Variants in KMO observed in about 807,000 individuals in gnomAD.
KMO encodes the protein kynurenine 3-monooxygenase.
Under a neutral mutation model 57.8 loss-of-function variants are expected in KMO, and 24 were observed. The ratio of observed to expected loss-of-function variants is 0.42; its 90% CI spans 0.30 to 0.58. KMO has a LOEUF of 0.58. Among genes scored for constraint, KMO ranks in the 20% least tolerant of loss-of-function variants. The pLI is 0.22. For missense variants in KMO, 483 were observed against 588.2 expected (o/e 0.82, Z 1.85); for synonymous variants, 210 against 193.6 (o/e 1.08, Z -0.70).
At chr1:241,567,871 G>C (rs1021869601) in intron 9 of KMO, among the ~76,000 whole-genome samples, 1 of 152,136 alleles carries the variant, frequency 6.6e-6, no homozygotes, top group African/African-American at 2.4e-5. Flanking sequence ...GATTCTTGAG[G>C]CTAGGTACCA....
At chr1:241,590,399 C>A in intron 14 of KMO, 136 bp downstream of exon 14, 2 of 717,524 alleles carry the variant, frequency 2.8e-6, no homozygotes, top group Non-Finnish European at 2.4e-6. Context: ...CAGAAACTGT[C>A]CTGAGTACAG....
chr1:241,551,346 G>A (rs901409321), intron 4 of KMO, among the ~76,000 whole-genome samples: 2 of 152,142 alleles, frequency 1.3e-5, no homozygotes, highest in Non-Finnish European at 2.9e-5. Context: ...TTTTCAATTA[G>A]GTAGAGAAGA....
At chr1:241,591,412 T>G (rs1663293739) in intron 14 of KMO, among the ~76,000 whole-genome samples, 1 of 146,878 alleles carries the variant, frequency 6.8e-6, no homozygotes. Flanking sequence ...AGTATTCAAG[T>G]AGATTTCTCT....
intron 1 of KMO, among the ~76,000 whole-genome samples, chr1:241,546,665 T>C (rs990165126): frequency 6.6e-6 from 1 of 152,146 alleles, no homozygotes; most frequent in Admixed American, 6.5e-5. Flanking sequence ...ACTGGATGGA[T>C]GGCATATCAT....
intron 1 of KMO, among the ~76,000 whole-genome samples, chr1:241,538,115 T>C (rs1178617184): frequency 2.6e-5 from 4 of 152,158 alleles, no homozygotes; most frequent in Non-Finnish European, 5.9e-5. Context: ...ATAGGTGGTC[T>C]GAGCATGCAT....
At chr1:241,577,452 T>A (rs1662564998) in intron 10 of KMO, among the ~76,000 whole-genome samples, 1 of 152,058 alleles carries the variant, frequency 6.6e-6, no homozygotes, top group Non-Finnish European at 1.5e-5. Flanking sequence ...ATTTTAATGT[T>A]TATAGTTTAT....
rs1350664434 is a variant in KMO at position 241,586,814 on chromosome 1, A to T, written c.1015+78A>T. The T allele has an allele frequency of 5.5e-5, 55 of 994,048 alleles. No individual in the cohort carries two copies. In the South Asian group the frequency reaches 7.6e-4, roughly 14 times the overall value. 61.6% of individuals were successfully genotyped at this position (994,048 alleles called of 1,614,324 possible). ...GTGGGCTTATTTCTGATCCTCAATGATCACAAACCTGTGATGTATAATGTA... is the reference window on the plus strand; with the variant it reads ...GTGGGCTTATTTCTGATCCTCAATGTTCACAAACCTGTGATGTATAATGTA... On this transcript the variant is annotated intron_variant, in intron 11 of 14. Transcript: ENST00000366559.
At chr1:241,561,319 T>C (rs1661827189) in intron 6 of KMO, among the ~76,000 whole-genome samples, 1 of 152,204 alleles carries the variant, frequency 6.6e-6, no homozygotes, top group Non-Finnish European at 1.5e-5. Context: ...CAAACATATC[T>C]AAAACCTTGA....
chr1:241,575,275 C>T (rs531160555), intron 10 of KMO, among the ~76,000 whole-genome samples: 101 of 151,950 alleles, frequency 6.6e-4, no homozygotes, highest in African/African-American at 2.3e-3. Context: ...AGTTCTCCTC[C>T]GATCTTTGTT....
At chr1:241,562,486 T>C (rs916688931) in intron 7 of KMO, among the ~76,000 whole-genome samples, 154 bp downstream of exon 7, 2 of 152,222 alleles carry the variant, frequency 1.3e-5, no homozygotes, top group Admixed American at 1.3e-4. Flanking sequence ...GATGCATGGG[T>C]ATCTTTTTAA....
At chr1:241,590,496 C>T (rs1663218853) in intron 14 of KMO, among the ~76,000 whole-genome samples, 1 of 152,158 alleles carries the variant, frequency 6.6e-6, no homozygotes, top group African/African-American at 2.4e-5. Flanking sequence ...GAAACTGATG[C>T]TAATATTTCT....
chr1:241,591,425 C>CA (rs35070185), intron 14 of KMO, among the ~76,000 whole-genome samples: 22,769 of 140,016 alleles, frequency 0.16, 1,866 homozygotes, highest in South Asian at 0.22. Context: ...ATTTCTCTGT[C>CA]AAAAAAAAAA....
chr1:241,548,577 T>C (rs576896972), intron 1 of KMO, among the ~76,000 whole-genome samples: 2 of 129,318 alleles, frequency 1.5e-5, no homozygotes, highest in East Asian at 2.2e-4. Context: ...TACCTCACTA[T>C]AAAAAAGTAA....
chr1:241,543,460 A>G (rs1661026749), intron 1 of KMO, among the ~76,000 whole-genome samples: 1 of 152,148 alleles, frequency 6.6e-6, no homozygotes, highest in Admixed American at 6.6e-5. Context: ...ATATATTCAT[A>G]TCATATCTCA....
chr1:241,535,850 T>A (rs1176926251), intron 1 of KMO, among the ~76,000 whole-genome samples: 1 of 152,226 alleles, frequency 6.6e-6, no homozygotes, highest in Non-Finnish European at 1.5e-5. Context: ...AGGCTTCTCC[T>A]CTCTTTAAAT....
At chr1:241,566,854 G>A (rs916098670) in intron 9 of KMO, among the ~76,000 whole-genome samples, 5 of 152,148 alleles carry the variant, frequency 3.3e-5, no homozygotes, top group Admixed American at 6.6e-5. Flanking sequence ...AGGCTTTTGG[G>A]CATCTTATGC....
intron 10 of KMO, among the ~76,000 whole-genome samples, chr1:241,576,768 G>A (rs1346062960): frequency 1.3e-5 from 2 of 152,104 alleles, no homozygotes; most frequent in Non-Finnish European, 1.5e-5. Context: ...ACTTCTTTGA[G>A]CTTCTTGTAT....
intron 9 of KMO, among the ~76,000 whole-genome samples, chr1:241,566,880 C>T (rs1662101589): frequency 6.6e-6 from 1 of 152,188 alleles, no homozygotes; most frequent in Non-Finnish European, 1.5e-5. Flanking sequence ...CCTCAGGCTC[C>T]TTGGGGCTTG....
chr1:241,565,848 C>T (rs558789743), intron 8 of KMO, among the ~76,000 whole-genome samples: 31 of 152,110 alleles, frequency 2.0e-4, no homozygotes, highest in African/African-American at 7.2e-4. Context: ...GGGTCCAGGG[C>T]CTAGTAATAC....
Sources: gnomAD v4.1 joint callset for allele counts (sites outside exome capture counted in the v4.1 genomes callset) on GRCh38, gnomAD v4.1.1 for gene constraint, MANE v1.5 for transcripts, NCBI Gene and HGNC (gene_info 2026-07-23, HGNC 2026-07-21) for gene names.